Variants in PCNX1 observed in about 807,000 individuals in gnomAD.
PCNX1 encodes the protein pecanex-like protein 1.
Under a neutral mutation model 242.2 loss-of-function variants are expected in PCNX1, and 78 were observed. That is an observed-to-expected ratio of 0.32 (90% CI 0.27 to 0.39). PCNX1 has a LOEUF of 0.39. Among genes scored for constraint, PCNX1 ranks in the 10% least tolerant of loss-of-function variants. The pLI, the probability that PCNX1 is intolerant of heterozygous loss-of-function variation, is 1.00. For synonymous variants in PCNX1, 1,024 were observed against 1,032.9 expected (o/e 0.99, Z 0.17); for missense variants, 2,581 against 2,856.5 (o/e 0.90, Z 2.20).
intron 19 of PCNX1, among the ~76,000 whole-genome samples, chr14:71,038,973 C>CA (rs2060626233): frequency 1.3e-5 from 2 of 150,590 alleles, no homozygotes; most frequent in African/African-American, 4.9e-5. Context: ...ATCGCAAGAA[C>CA]AAAAAACCAA....
chr14:71,014,540 G>T (rs2059908819), intron 11 of PCNX1, among the ~76,000 whole-genome samples: 1 of 152,154 alleles, frequency 6.6e-6, no homozygotes, highest in African/African-American at 2.4e-5. Context: ...ACTTTTAAAA[G>T]TCCCAAATCA....
chr14:70,976,886 G>A, intron 5 of PCNX1, 56 bp from the exon 6 acceptor site: 1 of 1,446,966 alleles, frequency 6.9e-7, no homozygotes, highest in Non-Finnish European at 9.5e-7. Context: ...TTGTTAAACA[G>A]TAGAAAAGCA....
intron 30 of PCNX1, among the ~76,000 whole-genome samples, chr14:71,096,018 A>AT (rs2062268221): frequency 1.3e-5 from 2 of 152,022 alleles, no homozygotes; most frequent in Admixed American, 6.6e-5. Flanking sequence ...TCTACAAAAA[A>AT]TTTTTTAAAA....
chr14:70,959,233 T>A (rs1433861604), intron 2 of PCNX1, among the ~76,000 whole-genome samples: 1 of 151,238 alleles, frequency 6.6e-6, no homozygotes, highest in East Asian at 1.9e-4. Context: ...TTTTTTTTTT[T>A]TAATTATTAT....
At chr14:71,026,423 A>G (rs533066710) in intron 14 of PCNX1, 135 bp downstream of exon 14, 1 of 534,920 alleles carries the variant, frequency 1.9e-6, no homozygotes, top group African/African-American at 1.9e-5. Flanking sequence ...TCTGAGGAAC[A>G]AAGTGATAGG....
intron 19 of PCNX1, among the ~76,000 whole-genome samples, chr14:71,043,352 C>T (rs1021070005): frequency 2.0e-5 from 3 of 152,128 alleles, no homozygotes; most frequent in Non-Finnish European, 4.4e-5. Flanking sequence ...TCCTCTAAGA[C>T]TTGGGAAATT....
intron 26 of PCNX1, 100 bp from the exon 27 acceptor site, chr14:71,073,445 A>G (rs2061636014): frequency 1.8e-6 from 2 of 1,141,320 alleles, no homozygotes; most frequent in Non-Finnish European, 2.5e-6. Context: ...TTTCAATTGC[A>G]ATAAAATATG....
chr14:70,944,718 G>T (rs925661255), intron 1 of PCNX1, among the ~76,000 whole-genome samples: 2 of 152,168 alleles, frequency 1.3e-5, no homozygotes, highest in African/African-American at 4.8e-5. Context: ...ATCTCACCTT[G>T]AATTGTGATA....
chr14:71,090,604 A>G (rs1344701666), intron 30 of PCNX1, among the ~76,000 whole-genome samples: 1 of 152,236 alleles, frequency 6.6e-6, no homozygotes, highest in Non-Finnish European at 1.5e-5. Context: ...TCTTCAGACT[A>G]GTTTTAGAGT....
chr14:71,020,059 T>G (rs1413326056), intron 12 of PCNX1, among the ~76,000 whole-genome samples: 1 of 152,144 alleles, frequency 6.6e-6, no homozygotes, highest in East Asian at 1.9e-4. Context: ...TGTGTTAGTT[T>G]TCTGAGGATG....
intron 3 of PCNX1, 136 bp downstream of exon 3, chr14:70,962,467 C>T (rs1236556203): frequency 3.5e-6 from 2 of 563,950 alleles, no homozygotes; most frequent in East Asian, 2.9e-5. Context: ...TTAATAACAT[C>T]TTTTATTAAT....
chr14:71,089,250 T>G lies in PCNX1; in HGVS notation c.5497T>G (p.Ser1833Ala). The G allele has an allele frequency of 6.2e-7, 1 of 1,611,294 alleles. No homozygotes were observed. Among genetic ancestry groups the G allele is most frequent in the Middle Eastern group, 1.7e-4 (1 of 6,054 alleles). Residue 1833 changes from serine to alanine, a missense_variant, in exon 30 of 36, where the codon TCT (serine) becomes GCT (alanine). Ser to Ala is a moderately conservative substitution (Grantham distance 99, BLOSUM62 1). Coordinates refer to ENST00000304743, the MANE Select transcript of PCNX1 (RefSeq NM_014982.3). ...CCTATTTAAAGGAGATTTCCGTATT[T>G]CTTCAATTCGAGATGAATGGATCTT... Reference protein sequence around the residue: ...HALFKGDFRISSIRDEWIFAD... With the variant: ...HALFKGDFRIASIRDEWIFAD...
rs552674344 is a variant in PCNX1 at position 70,911,287 on chromosome 14, C to T, written c.153+3284C>T. On this transcript the variant is annotated intron_variant, in intron 1 of 35. Transcript: ENST00000304743. ...AGGCTGCCTTTTATTTATTCCCCCC[C>T]AAAAAGTGCCTAAATCTGTGGAGAG... Among the ~76,000 whole-genome samples the T allele has an allele frequency of 2.0e-5, 3 of 152,192 alleles. No individual in the cohort carries two copies. In the South Asian group the frequency reaches 6.2e-4, roughly 32 times the overall value.
In PCNX1 at chr14:71,026,166, G is replaced by C; in HGVS notation, c.3233G>C (p.Cys1078Ser). Reference protein sequence around the residue: ...AYSRPVYFCICCGLIWLLDYG... With the variant: ...AYSRPVYFCISCGLIWLLDYG... ...AGTAGACCAGTTTATTTCTGCATAT[G>C]TTGCGGTCTTATTTGGCTCTTGGAT... The change falls in exon 14 of 36, where the codon TGT becomes TCT. Residue 1078 changes from cysteine to serine, a missense_variant. Coordinates refer to ENST00000304743, the MANE Select transcript of PCNX1 (RefSeq NM_014982.3). 1 of 1,610,980 alleles carries C rather than the reference G, an allele frequency of 6.2e-7. No individual in the cohort carries two copies. The highest frequency in any genetic ancestry group is 8.5e-7 in the Non-Finnish European group (1 of 1,177,778).
chr14:71,075,224 C>T (rs191913830), intron 27 of PCNX1, among the ~76,000 whole-genome samples: 1 of 152,006 alleles, frequency 6.6e-6, no homozygotes, highest in African/African-American at 2.4e-5. Context: ...ACTCTGGGCT[C>T]AAGCAGTTCT....
At chr14:70,967,691 T>C (rs557534543) in intron 3 of PCNX1, among the ~76,000 whole-genome samples, 72 of 152,350 alleles carry the variant, frequency 4.7e-4, no homozygotes, top group Non-Finnish European at 8.8e-4. Flanking sequence ...GTACTTACTT[T>C]TGTCTCCAAC....
At chr14:71,017,529 C>T (rs1279286866) in intron 11 of PCNX1, among the ~76,000 whole-genome samples, 3 of 151,820 alleles carry the variant, frequency 2.0e-5, no homozygotes, top group African/African-American at 2.4e-5. Flanking sequence ...AAATGTGAAA[C>T]GTAAAACAAA....
intron 26 of PCNX1, among the ~76,000 whole-genome samples, chr14:71,065,902 T>G (rs2061434314): frequency 6.6e-6 from 1 of 152,216 alleles, no homozygotes; most frequent in Admixed American, 6.5e-5. Flanking sequence ...TTTGTCAGGT[T>G]TGTCAAAGAT....
intron 26 of PCNX1, among the ~76,000 whole-genome samples, chr14:71,070,493 G>C (rs543025948): frequency 1.3e-5 from 2 of 152,202 alleles, no homozygotes; most frequent in Non-Finnish European, 2.9e-5. Flanking sequence ...GTTATTTCTT[G>C]ATGTACAGAC....
Sources: gnomAD v4.1 joint callset for allele counts (sites outside exome capture counted in the v4.1 genomes callset) on GRCh38, gnomAD v4.1.1 for gene constraint, MANE v1.5 for transcripts, NCBI Gene and HGNC (gene_info 2026-07-23, HGNC 2026-07-21) for gene names.